The following SH3PXD2A variants were observed in gnomAD, a reference collection of about 807,000 sequenced individuals.
The protein encoded by SH3PXD2A is SH3 and PX domains 2A.
SH3PXD2A carries 32 observed loss-of-function variants against 115.2 expected under a neutral mutation model. The observed-to-expected ratio is 0.28, with a 90% CI of 0.21 to 0.37. The LOEUF (loss-of-function observed/expected upper bound fraction) is 0.37, where lower values mean the gene tolerates loss of function less well. Ranked by LOEUF, SH3PXD2A falls within the 10% of genes least tolerant of loss-of-function variation. The probability of loss-of-function intolerance (pLI) is 1.00; values close to 1 mark genes in which losing one functional copy is unlikely to be tolerated. For missense variants in SH3PXD2A, 1,328 were observed against 1,498.7 expected, an observed-to-expected ratio of 0.89 and a Z score of 1.88; for synonymous variants, 610 against 629.1, an observed-to-expected ratio of 0.97 and a Z score of 0.45.
At chr10:103,792,589 T>C (rs1209986891) in intron 2 of SH3PXD2A, among the ~76,000 whole-genome samples, 1 of 152,238 alleles carries the variant, frequency 6.6e-6, no homozygotes, top group Non-Finnish European at 1.5e-5. Context: ...ACACCCATTA[T>C]ACAGATGAGA....
chr10:103,608,430 G>GAAAAAAAAAA (rs953168200), intron 13 of SH3PXD2A, among the ~76,000 whole-genome samples: 29 of 85,296 alleles, frequency 3.4e-4, no homozygotes, highest in Non-Finnish European at 4.9e-4. Context: ...TCCATGTCAA[G>GAAAAAAAAAA]AAAAAAAAAA....
intron 1 of SH3PXD2A, among the ~76,000 whole-genome samples, chr10:103,825,762 ATT>A (rs370142036): frequency 2.3e-5 from 3 of 132,440 alleles, no homozygotes; most frequent in Non-Finnish European, 3.1e-5. Context: ...TCCGTAACAA[ATT>A]TTTTTTTTTT....
intron 2 of SH3PXD2A, 132 bp downstream of exon 2, chr10:103,801,150 C>T (rs1304086212): frequency 3.2e-6 from 2 of 631,102 alleles, no homozygotes; most frequent in Non-Finnish European, 5.8e-6. Flanking sequence ...AGCTTCCCTC[C>T]TCTGTCCCTC....
At chr10:103,782,552 A>C (rs759891575) in intron 2 of SH3PXD2A, among the ~76,000 whole-genome samples, 61 of 152,298 alleles carry the variant, frequency 4.0e-4, no homozygotes, top group Non-Finnish European at 7.4e-4. Flanking sequence ...TATTCATTCA[A>C]CAATGATTTC....
chr10:103,855,139 G>A (rs1227257313), intron 1 of SH3PXD2A, 56 bp downstream of exon 1: 3 of 1,339,916 alleles, frequency 2.2e-6, no homozygotes, highest in Non-Finnish European at 3.1e-6. Context: ...GGGCCATCCG[G>A]GGCCCTCCCG....
intron 10 of SH3PXD2A, among the ~76,000 whole-genome samples, 193 bp from the exon 11 acceptor site, chr10:103,617,507 G>A (rs2036537412): frequency 2.6e-5 from 4 of 152,216 alleles, no homozygotes; most frequent in Admixed American, 2.6e-4. Context: ...TGGGAGCAGA[G>A]GTCACTGCTG....
At position 103,602,794 on chromosome 10, in the gene SH3PXD2A, G is replaced by A. The variant is rs779225131; in HGVS notation, c.2424C>T (p.Ser808=). ...EDSELPPQTA[S]EAPSEGSRRS... ...TCCTAGACCCCTCACTGGGAGCCTC[G>A]GAGGCCGTCTGCGGGGGCAGCTCCG... Residue 808 remains serine (S), a synonymous_variant, in exon 15 of 15, where the codon TCC becomes TCT. Coordinates refer to ENST00000369774, the MANE Select transcript of SH3PXD2A (RefSeq NM_001394015.1). 1.1e-5 allele frequency: 17 copies of A among 1,614,014 alleles called. No individual in the cohort carries two copies. Among genetic ancestry groups the A allele is most frequent in the African/African-American group, 9.3e-5 (7 of 74,934 alleles).
At chr10:103,673,554 A>T (rs999839614) in intron 6 of SH3PXD2A, 2 of 152,168 alleles carry the variant, frequency 1.3e-5, no homozygotes, top group African/African-American at 2.4e-5. Flanking sequence ...ACAGAGTGAG[A>T]CCCTGTCTCA....
chr10:103,842,822 G>C (rs1354252847), intron 1 of SH3PXD2A, among the ~76,000 whole-genome samples: 1 of 152,162 alleles, frequency 6.6e-6, no homozygotes, highest in African/African-American at 2.4e-5. Flanking sequence ...CCCAGCGCTT[G>C]ACACATAGTA....
chr10:103,783,518 AC>A (rs2038952711), intron 2 of SH3PXD2A, among the ~76,000 whole-genome samples: 1 of 152,126 alleles, frequency 6.6e-6, no homozygotes, highest in African/African-American at 2.4e-5. Flanking sequence ...ATGGGACATG[AC>A]TGGCCAGGTG....
chr10:103,679,796 A>C (rs929235095), intron 6 of SH3PXD2A, among the ~76,000 whole-genome samples: 1 of 152,198 alleles, frequency 6.6e-6, no homozygotes, highest in African/African-American at 2.4e-5. Context: ...ACTGCTTAGC[A>C]TAGCAAGGAT....
At chr10:103,765,865 G>C (rs1189120804) in intron 3 of SH3PXD2A, among the ~76,000 whole-genome samples, 2 of 152,220 alleles carry the variant, frequency 1.3e-5, no homozygotes, top group East Asian at 3.8e-4. Context: ...TGAACTCCTG[G>C]GCCAGGAATG....
intron 8 of SH3PXD2A, among the ~76,000 whole-genome samples, chr10:103,630,094 G>A (rs978135124): frequency 3.3e-5 from 5 of 152,246 alleles, no homozygotes; most frequent in African/African-American, 9.6e-5. Context: ...AACCCAGCAT[G>A]GAGCACTGAG....
chr10:103,727,996 G>T (rs1343339048), intron 4 of SH3PXD2A, among the ~76,000 whole-genome samples: 1 of 152,268 alleles, frequency 6.6e-6, no homozygotes, highest in African/African-American at 2.4e-5. Flanking sequence ...GCCGTTGTGA[G>T]AAGAGCAGAG....
intron 12 of SH3PXD2A, 139 bp from the exon 13 acceptor site, chr10:103,611,769 C>G: frequency 2.7e-6 from 2 of 729,148 alleles, no homozygotes; most frequent in South Asian, 1.6e-5. Flanking sequence ...ACTTGACACT[C>G]TAAGTCACTA....
chr10:103,847,129 G>A (rs1448264419), intron 1 of SH3PXD2A, among the ~76,000 whole-genome samples: 2 of 152,168 alleles, frequency 1.3e-5, no homozygotes, highest in South Asian at 2.1e-4. Context: ...TAAATGAAGA[G>A]GTAGTTTGAA....
intron 2 of SH3PXD2A, among the ~76,000 whole-genome samples, chr10:103,770,504 G>A (rs181968871): frequency 1.2e-4 from 19 of 152,314 alleles, no homozygotes; most frequent in African/African-American, 3.8e-4. Flanking sequence ...CCCAGGACAC[G>A]TCAGCATTCT....
rs1419435978 is a variant in SH3PXD2A at position 103,594,749 on chromosome 10, G to C, written c.*7067C>G. ...ATGGGGAGTGTGCCTTGGTTATAAG[G>C]CAACGCAAAATGGTAGGGTATATCC... On this transcript the variant is annotated 3_prime_UTR_variant, in exon 15 of 15. Coordinates refer to ENST00000369774, the MANE Select transcript of SH3PXD2A (RefSeq NM_001394015.1). 3 of 152,150 alleles carry C rather than the reference G, an allele frequency of 2.0e-5. No homozygotes were observed. Among genetic ancestry groups the C allele is most frequent in the African/African-American group, 7.2e-5 (3 of 41,432 alleles). The allele number at this position is 152,150 out of a possible 1,614,324, so 9.4% of individuals were successfully genotyped here. A position where few individuals can be genotyped will look rare whatever the true frequency, so the allele number is the denominator to read the frequency against.
chr10:103,703,685 G>A (rs543482212), intron 5 of SH3PXD2A, among the ~76,000 whole-genome samples: 10 of 152,310 alleles, frequency 6.6e-5, no homozygotes, highest in Non-Finnish European at 1.2e-4. Context: ...GTGGCGCTGA[G>A]CACTCAAACA....
Sources: gnomAD v4.1 joint callset for allele counts (sites outside exome capture counted in the v4.1 genomes callset) on GRCh38, gnomAD v4.1.1 for gene constraint, MANE v1.5 for transcripts, NCBI Gene and HGNC (gene_info 2026-07-23, HGNC 2026-07-21) for gene names.